Variants in ANAPC10 observed in about 807,000 individuals in gnomAD.
ANAPC10 encodes anaphase promoting complex subunit 10.
Under a neutral mutation model 22.0 loss-of-function variants are expected in ANAPC10, and 12 were observed. The ratio of observed to expected loss-of-function variants is 0.55; its 90% CI spans 0.35 to 0.88. The LOEUF is 0.88. Ranked by LOEUF, ANAPC10 falls within the 40% of genes least tolerant of loss-of-function variation. The pLI is 0.01. For synonymous variants in ANAPC10, 65 were observed against 69.5 expected, an observed-to-expected ratio of 0.94 and a Z score of 0.32; for missense variants, 188 against 220.9, an observed-to-expected ratio of 0.85 and a Z score of 0.94.
chr4:145,048,925 C>A (rs1325020526), intron 4 of ANAPC10, among the ~76,000 whole-genome samples: 1 of 152,096 alleles, frequency 6.6e-6, no homozygotes, highest in East Asian at 1.9e-4. Flanking sequence ...GCAATTATAT[C>A]TAAAATAAGT....
At chr4:145,058,726 AAAAATACAG>A (rs1159270902) in intron 4 of ANAPC10, among the ~76,000 whole-genome samples, 1 of 152,200 alleles carries the variant, frequency 6.6e-6, no homozygotes, top group Non-Finnish European at 1.5e-5. Context: ...ACTTCTTCTT[AAAAATACAG>A]ATGTTACTTT....
chr4:145,089,904 T>G (rs763428696), intron 2 of ANAPC10, among the ~76,000 whole-genome samples: 5 of 152,184 alleles, frequency 3.3e-5, no homozygotes, highest in Non-Finnish European at 5.9e-5. Context: ...CACTGATTGT[T>G]TTACTCTGTT....
intron 3 of ANAPC10, among the ~76,000 whole-genome samples, chr4:145,068,379 T>C (rs1744010824): frequency 6.6e-6 from 1 of 152,170 alleles, no homozygotes. Flanking sequence ...GAGTAACTAA[T>C]AAACCCTAAG....
At chr4:145,090,657 T>G (rs1447282731) in intron 2 of ANAPC10, among the ~76,000 whole-genome samples, 2 of 152,198 alleles carry the variant, frequency 1.3e-5, no homozygotes, top group Non-Finnish European at 2.9e-5. Flanking sequence ...AGTTTCCTCA[T>G]TTGGAAAATG....
chr4:145,059,427 A>G (rs193013425), intron 4 of ANAPC10, among the ~76,000 whole-genome samples: 2 of 152,248 alleles, frequency 1.3e-5, no homozygotes, highest in East Asian at 3.9e-4. Context: ...TCCTTTTAAA[A>G]AAAATCACTT....
At chr4:145,056,674 C>A (rs963600028) in intron 4 of ANAPC10, among the ~76,000 whole-genome samples, 2 of 152,132 alleles carry the variant, frequency 1.3e-5, no homozygotes, top group African/African-American at 4.8e-5. Flanking sequence ...GGTCCTGTAA[C>A]AGTGTGGTTA....
intron 4 of ANAPC10, among the ~76,000 whole-genome samples, chr4:145,009,292 A>G (rs1002106178): frequency 6.6e-6 from 1 of 152,172 alleles, no homozygotes; most frequent in Non-Finnish European, 1.5e-5. Context: ...CATCCCCATC[A>G]AACTACCAAT....
chr4:145,097,604 G>A, intron 1 of ANAPC10: 1 of 1,127,914 alleles, frequency 8.9e-7, no homozygotes, highest in South Asian at 1.3e-5. Context: ...CTTTGGCAAG[G>A]CCTGAGGCTT....
intron 4 of ANAPC10, among the ~76,000 whole-genome samples, chr4:145,012,964 TG>T (rs1734580945): frequency 6.6e-6 from 1 of 152,072 alleles, no homozygotes. Context: ...TCACAAGATG[TG>T]TTTGTTTAAA....
intron 2 of ANAPC10, among the ~76,000 whole-genome samples, chr4:145,095,019 GTAGAGA>G (rs1748290862): frequency 6.6e-6 from 1 of 152,106 alleles, no homozygotes; most frequent in Non-Finnish European, 1.5e-5. Flanking sequence ...CTGAATCATA[GTAGAGA>G]TAGAGGAGGA....
chr4:145,058,334 G>C (rs2126409746), intron 4 of ANAPC10, among the ~76,000 whole-genome samples: 1 of 152,116 alleles, frequency 6.6e-6, no homozygotes, highest in Admixed American at 6.5e-5. Flanking sequence ...ACCTGAATAG[G>C]CTTTGTATTT....
intron 4 of ANAPC10, among the ~76,000 whole-genome samples, chr4:145,008,490 G>A (rs982721683): frequency 1.4e-4 from 22 of 152,152 alleles, no homozygotes; most frequent in African/African-American, 5.1e-4. Flanking sequence ...TACCCACCAC[G>A]ATCAAGTCAG....
chr4:145,007,636 A>G (rs1733600824), intron 4 of ANAPC10, among the ~76,000 whole-genome samples: 1 of 152,238 alleles, frequency 6.6e-6, no homozygotes, highest in Non-Finnish European at 1.5e-5. Flanking sequence ...CAATGAGAAC[A>G]AAGACACAAC....
At chr4:145,041,325 T>C (rs904924509) in intron 4 of ANAPC10, among the ~76,000 whole-genome samples, 9 of 152,238 alleles carry the variant, frequency 5.9e-5, no homozygotes, top group South Asian at 2.1e-4. Flanking sequence ...ACAGCTTAGA[T>C]AGCATGAAGT....
intron 4 of ANAPC10, among the ~76,000 whole-genome samples, chr4:145,057,743 T>C (rs542027072): frequency 6.6e-6 from 1 of 152,270 alleles, no homozygotes; most frequent in South Asian, 2.1e-4. Flanking sequence ...CCCCTCAGAA[T>C]GTTCCTTCTC....
intron 4 of ANAPC10, among the ~76,000 whole-genome samples, chr4:145,041,491 A>T (rs1184112761): frequency 6.6e-6 from 1 of 152,268 alleles, no homozygotes; most frequent in African/African-American, 2.4e-5. Context: ...AAATGGCTGT[A>T]TGCCAGGTTG....
At chr4:145,092,118 C>A (rs1184357492) in intron 2 of ANAPC10, among the ~76,000 whole-genome samples, 1 of 151,966 alleles carries the variant, frequency 6.6e-6, no homozygotes, top group Admixed American at 6.6e-5. Flanking sequence ...TAAACAATGA[C>A]AACAAATGGA....
intron 4 of ANAPC10, among the ~76,000 whole-genome samples, chr4:145,006,353 G>A (rs1733354158): frequency 1.3e-5 from 2 of 152,106 alleles, no homozygotes; most frequent in Non-Finnish European, 2.9e-5. Context: ...GATTTGCTGG[G>A]CAGATCCCTT....
At chr4:145,087,054 G>C (rs1176130211) in intron 2 of ANAPC10, among the ~76,000 whole-genome samples, 2 of 151,830 alleles carry the variant, frequency 1.3e-5, no homozygotes, top group Admixed American at 6.6e-5. Flanking sequence ...GCAAAGTCTG[G>C]CTTGGTCTTC....
Sources: gnomAD v4.1 joint callset for allele counts (sites outside exome capture counted in the v4.1 genomes callset) on GRCh38, gnomAD v4.1.1 for gene constraint, MANE v1.5 for transcripts, NCBI Gene and HGNC (gene_info 2026-07-23, HGNC 2026-07-21) for gene names.